The following SAMD4A variants were observed in gnomAD, a reference collection of about 807,000 sequenced individuals.
SAMD4A encodes protein Smaug homolog 1.
In SAMD4A, 33 loss-of-function variants were observed where a neutral mutation model predicts 81.3. The ratio of observed to expected loss-of-function variants is 0.41; its 90% CI spans 0.31 to 0.54. The LOEUF (loss-of-function observed/expected upper bound fraction) is 0.54. SAMD4A is among the 20% of genes least tolerant of loss of function. SAMD4A has a pLI of 0.37. For missense variants in SAMD4A, 854 were observed against 951.1 expected (o/e 0.90, Z 1.34); for synonymous variants, 389 against 382.1 (o/e 1.02, Z -0.21).
At chr14:54,623,025 C>T (rs1422658132) in intron 2 of SAMD4A, among the ~76,000 whole-genome samples, 4 of 152,216 alleles carry the variant, frequency 2.6e-5, no homozygotes, top group Non-Finnish European at 1.5e-5. Context: ...AGACTGTCAG[C>T]CCTGTGAGGG....
At chr14:54,698,931 T>G (rs1478600649) in intron 2 of SAMD4A, among the ~76,000 whole-genome samples, 2 of 151,326 alleles carry the variant, frequency 1.3e-5, no homozygotes, top group African/African-American at 4.9e-5. Flanking sequence ...GTTGCTGATT[T>G]TTTTTTTTTT....
At chr14:54,722,906 T>C (rs1443592083) in intron 3 of SAMD4A, among the ~76,000 whole-genome samples, 1 of 152,124 alleles carries the variant, frequency 6.6e-6, no homozygotes, top group Non-Finnish European at 1.5e-5. Context: ...ACATAAACAA[T>C]AGCAACAACT....
chr14:54,566,646 G>A (rs1264935638), upstream of SAMD4A, among the ~76,000 whole-genome samples: 2 of 151,714 alleles, frequency 1.3e-5, no homozygotes, highest in African/African-American at 4.8e-5. Flanking sequence ...CTCGCGGGGC[G>A]TGTGCCCAGC....
At chr14:54,582,782 T>C (rs527437628) in intron 2 of SAMD4A, among the ~76,000 whole-genome samples, 1 of 152,290 alleles carries the variant, frequency 6.6e-6, no homozygotes, top group South Asian at 2.1e-4. Flanking sequence ...GAAATGTCCT[T>C]ATTAGGAGAC....
At chr14:54,773,467 C>A (rs953235581) in intron 9 of SAMD4A, among the ~76,000 whole-genome samples, 1 of 152,254 alleles carries the variant, frequency 6.6e-6, no homozygotes, top group African/African-American at 2.4e-5. Context: ...ACAGCTGACT[C>A]TTCTTGGAAA....
intron 2 of SAMD4A, among the ~76,000 whole-genome samples, chr14:54,656,781 C>T (rs560092749): frequency 6.6e-6 from 1 of 152,202 alleles, no homozygotes; most frequent in South Asian, 2.1e-4. Flanking sequence ...GTGCCCGCCA[C>T]CATGCCCAGC....
chr14:54,749,857 G>C (rs1410949313), intron 5 of SAMD4A, among the ~76,000 whole-genome samples: 4 of 152,126 alleles, frequency 2.6e-5, no homozygotes, highest in Non-Finnish European at 4.4e-5. Flanking sequence ...GTACCATTTG[G>C]GCATGGCTGG....
intron 2 of SAMD4A, among the ~76,000 whole-genome samples, chr14:54,698,663 G>T (rs888868180): frequency 6.6e-6 from 1 of 152,220 alleles, no homozygotes; most frequent in African/African-American, 2.4e-5. Context: ...TGATCCAGTA[G>T]GTGTAGTTAG....
chr14:54,722,983 A>G (rs1422982935), intron 3 of SAMD4A, among the ~76,000 whole-genome samples: 1 of 152,174 alleles, frequency 6.6e-6, no homozygotes, highest in Non-Finnish European at 1.5e-5. Flanking sequence ...TCAAGAATGA[A>G]AAGCTCTATA....
chr14:54,792,123 A>G lies in SAMD4A; in HGVS notation c.*3179A>G, dbSNP rs2039268550. 1 of 152,234 alleles carries G rather than the reference A, an allele frequency of 6.6e-6. No homozygotes were observed. The highest frequency in any genetic ancestry group is 1.5e-5 in the Non-Finnish European group (1 of 68,046). The allele number at this position is 152,234 out of a possible 1,614,324, so 9.4% of individuals were successfully genotyped here. A position where few individuals can be genotyped will look rare whatever the true frequency, so the allele number is the denominator to read the frequency against. ...AAGAAACACATGAACTGTGTACAAG[A>G]CATGAAACATTGCTGCTGATATGTT... On this transcript the variant is annotated 3_prime_UTR_variant, in exon 13 of 13. Coordinates refer to ENST00000554335, the MANE Select transcript of SAMD4A (RefSeq NM_015589.6).
In SAMD4A at chr14:54,792,340, ACT is replaced by A. The variant is rs2039273766; in HGVS notation, c.*3397_*3398del. 6.6e-6 allele frequency: 1 copy of A among 152,256 alleles called. No individual in the cohort carries two copies. Among genetic ancestry groups the A allele is most frequent in the Non-Finnish European group, 1.5e-5 (1 of 68,040 alleles). The allele number at this position is 152,256 out of a possible 1,614,324, so 9.4% of individuals were successfully genotyped here. ...CTCTCTCCCATTCGTTTGAAGAGAC[ACT>A]GAGGGAAACAAGGGTTTCTTTTGAG... On this transcript the variant is annotated 3_prime_UTR_variant, in exon 13 of 13. Coordinates refer to ENST00000554335, the MANE Select transcript of SAMD4A (RefSeq NM_015589.6).
intron 4 of SAMD4A, among the ~76,000 whole-genome samples, chr14:54,738,238 TCAGTGTTGA>T (rs2037749290): frequency 6.6e-6 from 1 of 152,194 alleles, no homozygotes; most frequent in South Asian, 2.1e-4. Flanking sequence ...TTGTGAATGA[TCAGTGTTGA>T]CATAGGAAGC....
intron 4 of SAMD4A, among the ~76,000 whole-genome samples, chr14:54,740,609 C>A (rs906435445): frequency 2.0e-5 from 3 of 152,236 alleles, no homozygotes; most frequent in Non-Finnish European, 4.4e-5. Flanking sequence ...CTGGCCAGGT[C>A]TGGCTACACA....
intron 3 of SAMD4A, among the ~76,000 whole-genome samples, chr14:54,734,085 G>A (rs931622284): frequency 6.6e-6 from 1 of 152,194 alleles, no homozygotes; most frequent in Non-Finnish European, 1.5e-5. Context: ...AATCAGCTTT[G>A]TGGTCACCAT....
chr14:54,720,569 C>T (rs1447213179), intron 3 of SAMD4A, among the ~76,000 whole-genome samples: 1 of 152,120 alleles, frequency 6.6e-6, no homozygotes, highest in African/African-American at 2.4e-5. Flanking sequence ...CCAGCCTCCT[C>T]CTGAGGGATA....
At chr14:54,687,949 C>T (rs2036320323) in intron 2 of SAMD4A, 1 of 986,454 alleles carries the variant, frequency 1.0e-6, no homozygotes, top group Non-Finnish European at 1.2e-6. Context: ...ATGCCTCTGA[C>T]ATCATAATAC....
Position 54,760,458 on chromosome 14 carries a change from G to A in SAMD4A, c.1474G>A (p.Asp492Asn), listed in dbSNP as rs1402639278. The A allele has an allele frequency of 1.1e-5, 15 of 1,425,724 alleles. No homozygotes were observed. Among genetic ancestry groups the A allele is most frequent in the Non-Finnish European group, 1.4e-5 (15 of 1,099,530 alleles). 88.3% of individuals were successfully genotyped at this position (1,425,724 alleles called of 1,614,324 possible). ...GGCCGTCGCCCCCCTGCCAGAGGGGGACCTCCCCGGGCAGTTCACACGCGT... is the reference window on the plus strand; with the variant it reads ...GGCCGTCGCCCCCCTGCCAGAGGGGAACCTCCCCGGGCAGTTCACACGCGT... The part of the protein sequence containing the change: ...ELAVAPLPEG[D>N]LPGQFTRVMG... The change falls in exon 7 of 13, where the codon GAC becomes AAC. Residue 492 changes from aspartate to asparagine, a missense_variant. Around this residue, in one of 3 missense-constraint regions of SAMD4A, gnomAD observed 428 missense variants for 471.2 expected, o/e 0.91. Coordinates refer to ENST00000554335, the MANE Select transcript of SAMD4A (RefSeq NM_015589.6).
intron 2 of SAMD4A, among the ~76,000 whole-genome samples, chr14:54,661,532 G>A (rs2035642543): frequency 1.3e-5 from 2 of 152,154 alleles, no homozygotes; most frequent in Admixed American, 6.5e-5. Context: ...GATAGTTCCC[G>A]TCCTAGTTAA....
intron 3 of SAMD4A, among the ~76,000 whole-genome samples, chr14:54,736,578 A>G (rs2037699091): frequency 6.6e-6 from 1 of 152,246 alleles, no homozygotes; most frequent in Admixed American, 6.5e-5. Flanking sequence ...GCTGCCCTTC[A>G]AGATGTCCTC....
Sources: allele counts gnomAD v4.1 joint callset (sites outside exome capture counted in the v4.1 genomes callset), GRCh38; gene constraint gnomAD v4.1.1; regional missense constraint gnomAD v4.1.1; transcripts MANE v1.5; gene names NCBI Gene and HGNC (gene_info 2026-07-23, HGNC 2026-07-21).